BRIP1: variants seen among roughly 807,000 people sequenced by gnomAD.
BRIP1 encodes the protein BRCA1 interacting DNA helicase 1.
In BRIP1, 88 loss-of-function variants were observed where a neutral mutation model predicts 119.7. The ratio of observed to expected loss-of-function variants is 0.74; its 90% CI spans 0.62 to 0.88. The LOEUF (loss-of-function observed/expected upper bound fraction) is 0.88. Ranked by LOEUF, BRIP1 falls within the 40% of genes least tolerant of loss-of-function variation. BRIP1 has a pLI of 0.00. For synonymous variants in BRIP1, 443 were observed against 496.5 expected, an observed-to-expected ratio of 0.89 and a Z score of 1.43; for missense variants, 1,259 against 1,455.4, an observed-to-expected ratio of 0.87 and a Z score of 2.20.
In BRIP1 at chr17:61,801,348, C is replaced by A. The variant is rs149364097; in HGVS notation, c.1045G>T (p.Ala349Ser). The A allele has an allele frequency of 6.2e-7, 1 of 1,613,928 alleles. No homozygotes were observed. The highest frequency in any genetic ancestry group is 8.5e-7 in the Non-Finnish European group (1 of 1,179,920). The part of the protein sequence containing the change: ...ELVSLGKKLK[A>S]CPYYTARELI... ...TCTCGGGCTGTGTAATATGGACAGG[C>A]CTTTAGTTTCTTCCCCAGGCTGACA... The change falls in exon 8 of 20, where the codon GCC becomes TCC. Residue 349 changes from alanine to serine, a missense_variant. By Grantham distance (99) the Ala-to-Ser change is moderately conservative. Transcript: ENST00000259008.
Position 61,815,309 on chromosome 17 carries a change from T to C in BRIP1, c.628-6552A>G, listed in dbSNP as rs1375051137. Among the ~76,000 whole-genome samples, 1 of 152,132 alleles carries C rather than the reference T, an allele frequency of 6.6e-6. No homozygotes were observed. Among genetic ancestry groups the C allele is most frequent in the Non-Finnish European group, 1.5e-5 (1 of 67,990 alleles). On this transcript the variant is annotated intron_variant, in intron 6 of 19. Coordinates refer to ENST00000259008, the MANE Select transcript of BRIP1 (RefSeq NM_032043.3). The surrounding 1 kb of genome is among the most constrained non-coding windows in gnomAD (Gnocchi z 4.1). Reference sequence around the variant, plus strand: ...CAGAAACTACAGACACAATTTTGTGTGCATTTTTAGAAAGTGAACCCCTAA... The same window carrying C: ...CAGAAACTACAGACACAATTTTGTGCGCATTTTTAGAAAGTGAACCCCTAA...
At chr17:61,833,580 A>G (rs930066858) in intron 6 of BRIP1, among the ~76,000 whole-genome samples, 6 of 151,812 alleles carry the variant, frequency 4.0e-5, no homozygotes, top group African/African-American at 1.5e-4. Context: ...CTGAGGCAGG[A>G]GAATTGCTTG....
At chr17:61,859,775 A>C (rs1296923870) in intron 3 of BRIP1, 21 bp downstream of exon 3, 5 of 1,477,426 alleles carry the variant, frequency 3.4e-6, no homozygotes, top group Non-Finnish European at 3.8e-6. Flanking sequence ...AGTAACCTGA[A>C]GATATCAAGC....
Position 61,773,943 on chromosome 17 carries a change from C to T in BRIP1, c.2097+2458G>A, listed in dbSNP as rs550045167. ...TTAAACAGTCAGGAAACAACAGAAG[C>T]TGGAGAGGATGTAGAGAAACAGGAA... On this transcript the variant is annotated intron_variant, in intron 14 of 19. Coordinates refer to ENST00000259008, the MANE Select transcript of BRIP1 (RefSeq NM_032043.3). Among the ~76,000 whole-genome samples, 14 of 152,198 alleles carry T rather than the reference C, an allele frequency of 9.2e-5. No individual in the cohort carries two copies. The South Asian group carries it at 2.5e-3, about 27-fold the overall frequency.
At position 61,816,197 on chromosome 17, in the gene BRIP1, T is replaced by C. The variant is rs1452248771; in HGVS notation, c.628-7440A>G. 6.6e-6 allele frequency among the ~76,000 whole-genome samples: 1 copy of C among 152,120 alleles called. No homozygotes were observed. The highest frequency in any genetic ancestry group is 1.9e-4 in the East Asian group (1 of 5,190). ...CTGGAACTTGCTTCAAAGAGCTCAT[T>C]CAAGATGTCAATCAGCAGGTAGGGG... On this transcript the variant is annotated intron_variant, in intron 6 of 19. Coordinates refer to ENST00000259008, the MANE Select transcript of BRIP1 (RefSeq NM_032043.3). This position sits in a 1 kb window ranked among gnomAD's most constrained non-coding sequence, Gnocchi z 5.0.
rs2061404237 is a variant in BRIP1 at position 61,689,026 on chromosome 17, C to CTGTTCTGTTATGTTATGTTA, written c.2576-2862_2576-2861insTAACATAACATAACAGAACA. On this transcript the variant is annotated intron_variant, in intron 18 of 19. Coordinates refer to ENST00000259008, the MANE Select transcript of BRIP1 (RefSeq NM_032043.3). This position sits in a 1 kb window ranked among gnomAD's most constrained non-coding sequence, Gnocchi z 4.5. ...TACTTTATTTTATATATTTTATATT[C>CTGTTCTGTTATGTTATGTTA]TGTTATGTTATGTTATGTTATGTTA... Among the ~76,000 whole-genome samples, 2 of 145,598 alleles carry CTGTTCTGTTATGTTATGTTA rather than the reference C, an allele frequency of 1.4e-5. No individual in the cohort carries two copies. The highest frequency in any genetic ancestry group is 2.2e-4 in the South Asian group (1 of 4,570).
chr17:61,693,443 A>G lies in BRIP1; in HGVS notation c.2562T>C (p.Ser854=), dbSNP rs1555574734. 1 of 1,613,296 alleles carries G rather than the reference A, an allele frequency of 6.2e-7. No homozygotes were observed. The highest frequency in any genetic ancestry group is 8.5e-7 in the Non-Finnish European group (1 of 1,179,290). The change falls in exon 18 of 20, where the codon AGT becomes AGC. Residue 854 remains serine, a synonymous_variant. Transcript: ENST00000259008. The surrounding 1 kb of genome is among the most constrained non-coding windows in gnomAD (Gnocchi z 4.2). The part of the protein sequence containing the change: ...LVDDRFRNNP[S]RYISGLSKWV... ...CTGAGATCTTACCAGATATATAGCGACTTGGGTTATTCCTAAAGCGATCAT... is the reference window on the plus strand; with the variant it reads ...CTGAGATCTTACCAGATATATAGCGGCTTGGGTTATTCCTAAAGCGATCAT...
rs1032068740 is a variant in BRIP1 at position 61,828,131 on chromosome 17, T to C, written c.627+18970A>G. On this transcript the variant is annotated intron_variant, in intron 6 of 19. Coordinates refer to ENST00000259008, the MANE Select transcript of BRIP1 (RefSeq NM_032043.3). This position sits in a 1 kb window ranked among gnomAD's most constrained non-coding sequence, Gnocchi z 4.1. ...ATGTTCACAGCAGCATTATTCAAAA[T>C]AGCAAAAAGATGGAAACAACCCAGA... Among the ~76,000 whole-genome samples the C allele has an allele frequency of 1.3e-5, 2 of 152,016 alleles. No homozygotes were observed. Among genetic ancestry groups the C allele is most frequent in the African/African-American group, 2.4e-5 (1 of 41,384 alleles).
intron 6 of BRIP1, among the ~76,000 whole-genome samples, chr17:61,820,767 T>C (rs1489819656): frequency 1.3e-5 from 2 of 151,878 alleles, no homozygotes; most frequent in African/African-American, 4.8e-5. Context: ...CTAGCCAACA[T>C]GGTGAAACCC....
chr17:61,861,436 A>G lies in BRIP1; in HGVS notation c.93+11T>C, dbSNP rs1366466106. On this transcript the variant is annotated intron_variant, in intron 2 of 19. Transcript: ENST00000259008. The surrounding 1 kb of genome is among the most constrained non-coding windows in gnomAD (Gnocchi z 4.5). Reference sequence around the variant, plus strand: ...ATCTTAATAAAAACTTAACTGCTGAAAAATACTTACAGAATTCATCATAGC... The same window carrying G: ...ATCTTAATAAAAACTTAACTGCTGAGAAATACTTACAGAATTCATCATAGC... The G allele has an allele frequency of 6.3e-7, 1 of 1,588,084 alleles. No homozygotes were observed. The highest frequency in any genetic ancestry group is 2.2e-5 in the East Asian group (1 of 44,680).
chr17:61,751,309 A>C lies in BRIP1; in HGVS notation c.2098-6718T>G, dbSNP rs908897798. Among the ~76,000 whole-genome samples, 4 of 152,138 alleles carry C rather than the reference A, an allele frequency of 2.6e-5. No homozygotes were observed. Among genetic ancestry groups the C allele is most frequent in the Admixed American group, 2.0e-4 (3 of 15,282 alleles). ...TTCTTAGAGATGGGAAGTAGAACAG[A>C]GGTTACCAGGGCCTGAGGGAAGGGG... On this transcript the variant is annotated intron_variant, in intron 14 of 19. Coordinates refer to ENST00000259008, the MANE Select transcript of BRIP1 (RefSeq NM_032043.3). This position sits in a 1 kb window ranked among gnomAD's most constrained non-coding sequence, Gnocchi z 6.7.
chr17:61,788,017 A>G (rs2077759875), intron 10 of BRIP1, among the ~76,000 whole-genome samples: 1 of 152,218 alleles, frequency 6.6e-6, no homozygotes, highest in Non-Finnish European at 1.5e-5. Context: ...AAATAAAAAC[A>G]TGAAGAAATA....
At position 61,744,647 on chromosome 17, in the gene BRIP1, C is replaced by T. The variant is rs1459498051; in HGVS notation, c.2098-56G>A. 2.0e-6 allele frequency: 3 copies of T among 1,493,788 alleles called. No individual in the cohort carries two copies. The highest frequency in any genetic ancestry group is 2.8e-6 in the Non-Finnish European group (3 of 1,071,912). 92.5% of individuals were successfully genotyped at this position (1,493,788 alleles called of 1,614,324 possible). On this transcript the variant is annotated intron_variant, in intron 14 of 19. Coordinates refer to ENST00000259008, the MANE Select transcript of BRIP1 (RefSeq NM_032043.3). The surrounding 1 kb of genome is among the most constrained non-coding windows in gnomAD (Gnocchi z 5.0). ...TGTGTGTCTAGCTAAACAAACTTAA[C>T]TTCATTTGTTTAAGCCAATGTGACT...
intron 16 of BRIP1, among the ~76,000 whole-genome samples, chr17:61,733,102 ATATAC>A (rs2144587973): frequency 6.6e-6 from 1 of 152,336 alleles, no homozygotes; most frequent in South Asian, 2.1e-4. Context: ...GTTCCTCTTG[ATATAC>A]TACAGTCCTT....
chr17:61,849,736 C>G (rs543452290), intron 4 of BRIP1, among the ~76,000 whole-genome samples: 1 of 152,236 alleles, frequency 6.6e-6, no homozygotes, highest in Admixed American at 6.5e-5. Flanking sequence ...TCTTAATCAC[C>G]AAATAACATT....
Position 61,823,773 on chromosome 17 carries a change from C to T in BRIP1, c.628-15016G>A, listed in dbSNP as rs3034663. 1.2e-4 allele frequency among the ~76,000 whole-genome samples: 13 copies of T among 108,080 alleles called. No homozygotes were observed. Among genetic ancestry groups the T allele is most frequent in the Admixed American group, 4.6e-4 (4 of 8,704 alleles). The allele number at this position is 108,080 out of a possible 152,430, so 70.9% of individuals were successfully genotyped here. A position where few individuals can be genotyped will look rare whatever the true frequency, so the allele number is the denominator to read the frequency against. On this transcript the variant is annotated intron_variant, in intron 6 of 19. Transcript: ENST00000259008. The surrounding 1 kb of genome is among the most constrained non-coding windows in gnomAD (Gnocchi z 4.8). ...CACACAATAAACACACACACACACACACACACACACACACACACACACACC... is the reference window on the plus strand; with the variant it reads ...CACACAATAAACACACACACACACATACACACACACACACACACACACACC...
In BRIP1 at chr17:61,708,016, T is replaced by C. The variant is rs2061718954; in HGVS notation, c.2492+7935A>G. Among the ~76,000 whole-genome samples the C allele has an allele frequency of 6.6e-6, 1 of 152,160 alleles. No homozygotes were observed. The highest frequency in any genetic ancestry group is 2.1e-4 in the South Asian group (1 of 4,830). Reference sequence around the variant, plus strand: ...CGTGCGCCACCATACCTGGCTAATTTTTGTATTTTTAGTAGAGATGGGGTT... The same window carrying C: ...CGTGCGCCACCATACCTGGCTAATTCTTGTATTTTTAGTAGAGATGGGGTT... On this transcript the variant is annotated intron_variant, in intron 17 of 19. Transcript: ENST00000259008. This position sits in a 1 kb window ranked among gnomAD's most constrained non-coding sequence, Gnocchi z 4.4.
chr17:61,776,208 C>G lies in BRIP1; in HGVS notation c.2097+193G>C, dbSNP rs1441925118. 1.9e-5 allele frequency: 12 copies of G among 629,840 alleles called. No homozygotes were observed. Among genetic ancestry groups the G allele is most frequent in the Non-Finnish European group, 3.2e-5 (12 of 374,734 alleles). 39.0% of individuals were successfully genotyped at this position (629,840 alleles called of 1,614,324 possible). On this transcript the variant is annotated intron_variant, in intron 14 of 19. Transcript: ENST00000259008. The surrounding 1 kb of genome is among the most constrained non-coding windows in gnomAD (Gnocchi z 5.0). ...TGCTCTTTCAGACTTTTAAGTAAAA[C>G]AGAGGTAGGACAATCAGGCAGTATC... is the stretch of plus-strand genomic sequence containing the variant.
In BRIP1 at chr17:61,683,153, A is replaced by G. The variant is rs1269833890; in HGVS notation, c.*143T>C. ...CTCAAAAAAAAAAACCCAAAAACTC[A>G]AGAATAATAACATTTACATTTCTGA... is the stretch of plus-strand genomic sequence containing the variant. On this transcript the variant is annotated 3_prime_UTR_variant, in exon 20 of 20. Transcript: ENST00000259008. This position sits in a 1 kb window ranked among gnomAD's most constrained non-coding sequence, Gnocchi z 4.7. 21 of 1,089,160 alleles carry G rather than the reference A, an allele frequency of 1.9e-5. No homozygotes were observed. Among genetic ancestry groups the G allele is most frequent in the Non-Finnish European group, 2.7e-5 (21 of 771,392 alleles). 67.5% of individuals were successfully genotyped at this position (1,089,160 alleles called of 1,614,324 possible).
Sources: allele counts gnomAD v4.1 joint callset (sites outside exome capture counted in the v4.1 genomes callset), GRCh38; gene constraint gnomAD v4.1.1; non-coding constraint Gnocchi (gnomAD v3.1); transcripts MANE v1.5; gene names NCBI Gene and HGNC (gene_info 2026-07-23, HGNC 2026-07-21).